IRF8: variants seen among roughly 807,000 people sequenced by gnomAD.
IRF8 encodes interferon regulatory factor 8.
In IRF8, 14 loss-of-function variants were observed where a neutral mutation model predicts 48.7. The ratio of observed to expected loss-of-function variants is 0.29; its 90% CI spans 0.19 to 0.45. The LOEUF is 0.45. Among genes scored for constraint, IRF8 ranks in the 20% least tolerant of loss-of-function variants. IRF8 has a pLI of 1.00. For missense variants in IRF8, 493 were observed against 580.7 expected (o/e 0.85, Z 1.55); for synonymous variants, 278 against 227.3 (o/e 1.22, Z -2.01).
chr16:85,918,824 G>A (rs907728659), intron 7 of IRF8, 21 bp downstream of exon 7: 1 of 1,603,808 alleles, frequency 6.2e-7, no homozygotes, highest in Non-Finnish European at 8.5e-7. Context: ...TCGTCACCTT[G>A]CTGCCCCCAC....
intron 7 of IRF8, 138 bp from the exon 8 acceptor site, chr16:85,919,971 C>G (rs1030951947): frequency 8.3e-6 from 6 of 726,364 alleles, no homozygotes; most frequent in Admixed American, 4.1e-5. Context: ...GGCCCAAGGG[C>G]CACCAGTTTG....
intron 4 of IRF8, among the ~76,000 whole-genome samples, chr16:85,912,081 A>G (rs973111650): frequency 2.6e-5 from 4 of 152,224 alleles, no homozygotes; most frequent in Admixed American, 1.3e-4. Flanking sequence ...TTGTTGTACC[A>G]GCTCTCATGG....
At chr16:85,906,144 T>A (rs1008490933) in intron 2 of IRF8, among the ~76,000 whole-genome samples, 2 of 152,248 alleles carry the variant, frequency 1.3e-5, no homozygotes, top group Admixed American at 6.5e-5. Flanking sequence ...GCTCACTTAG[T>A]AGCACAGATA....
intron 7 of IRF8, 50 bp from the exon 8 acceptor site, chr16:85,920,059 G>T: frequency 2.2e-6 from 3 of 1,342,436 alleles, no homozygotes; most frequent in East Asian, 2.3e-5. Flanking sequence ...GCGGGAGTTG[G>T]AGGTCATCTC....
chr16:85,914,717 T>C (rs575535176), intron 6 of IRF8, among the ~76,000 whole-genome samples, 197 bp downstream of exon 6: 2 of 151,122 alleles, frequency 1.3e-5, no homozygotes, highest in South Asian at 4.2e-4. Flanking sequence ...TGTGGAAGTC[T>C]AGGCCTGGTT....
intron 1 of IRF8, chr16:85,900,829 G>A (rs1342169930): frequency 6.6e-6 from 1 of 152,220 alleles, no homozygotes; most frequent in African/African-American, 2.4e-5. Flanking sequence ...GTCCTGAACA[G>A]TTTAGATGTT....
At position 85,921,570 on chromosome 16, in the gene IRF8, C is replaced by T. The variant is rs750195027; in HGVS notation, c.*288C>T. 4.9e-5 allele frequency: 21 copies of T among 428,888 alleles called. No homozygotes were observed. Among genetic ancestry groups the T allele is most frequent in the Non-Finnish European group, 8.2e-5 (19 of 232,334 alleles). 26.6% of individuals were successfully genotyped at this position (428,888 alleles called of 1,614,324 possible). On this transcript the variant is annotated 3_prime_UTR_variant, in exon 9 of 9. Transcript: ENST00000268638. ...TTATCATTAGTTGCTATGATTCTTTCTGCATTTTCGGTTAACTATCATTTC... is the reference window on the plus strand; with the variant it reads ...TTATCATTAGTTGCTATGATTCTTTTTGCATTTTCGGTTAACTATCATTTC...
Position 85,921,244 on chromosome 16 carries a change from A to C in IRF8, c.1243A>C (p.Arg415=), listed in dbSNP as rs1905553679. Residue 415 remains arginine (R), a synonymous_variant, in exon 9 of 9, where the codon AGA becomes CGA. Coordinates refer to ENST00000268638, the MANE Select transcript of IRF8 (RefSeq NM_002163.4). The part of the protein sequence containing the change: ...MFPDICASHQ[R]SFFRENQQIT... ...TCCAGATATTTGTGCCTCACACCAGAGATCATTTTTCAGAGAAAACCAACA... is the reference window on the plus strand; with the variant it reads ...TCCAGATATTTGTGCCTCACACCAGCGATCATTTTTCAGAGAAAACCAACA... The C allele has an allele frequency of 6.2e-7, 1 of 1,614,052 alleles. No individual in the cohort carries two copies. The highest frequency in any genetic ancestry group is 8.5e-7 in the Non-Finnish European group (1 of 1,180,060).
At chr16:85,902,399 A>G (rs954129648) in intron 1 of IRF8, among the ~76,000 whole-genome samples, 1 of 152,194 alleles carries the variant, frequency 6.6e-6, no homozygotes, top group East Asian at 1.9e-4. Flanking sequence ...TTAAATGCTG[A>G]TCCAGCGTCT....
intron 1 of IRF8, among the ~76,000 whole-genome samples, chr16:85,902,149 G>A (rs142968850): frequency 1.4e-4 from 21 of 152,238 alleles, no homozygotes; most frequent in African/African-American, 4.8e-4. Flanking sequence ...TCTGGAAGAG[G>A]AGCCCAGTGA....
chr16:85,903,206 C>G lies in IRF8; in HGVS notation c.174+17C>G. The G allele has an allele frequency of 6.2e-7, 1 of 1,609,038 alleles. No homozygotes were observed. Among genetic ancestry groups the G allele is most frequent in the Non-Finnish European group, 8.5e-7 (1 of 1,176,866 alleles). ...ATTTTTAAGGTAAAGAGCCCAGCTC[C>G]CTTCCCCACTGTGGGCACAGTGTCT... On this transcript the variant is annotated intron_variant, in intron 2 of 8. Coordinates refer to ENST00000268638, the MANE Select transcript of IRF8 (RefSeq NM_002163.4).
Position 85,921,425 on chromosome 16 carries a change from C to T in IRF8, c.*143C>T, listed in dbSNP as rs373103060. 3.5e-5 allele frequency: 31 copies of T among 880,632 alleles called. No homozygotes were observed. The highest frequency in any genetic ancestry group is 5.0e-5 in the Non-Finnish European group (27 of 542,516). 54.6% of individuals were successfully genotyped at this position (880,632 alleles called of 1,614,324 possible). A position where few individuals can be genotyped will look rare whatever the true frequency, so the allele number is the denominator to read the frequency against. Reference sequence around the variant, plus strand: ...GCACTTAATTTAATAAGGGCATTCTCGGAGGAGTAGACGTTTAATACGAAG... The same window carrying T: ...GCACTTAATTTAATAAGGGCATTCTTGGAGGAGTAGACGTTTAATACGAAG... On this transcript the variant is annotated 3_prime_UTR_variant, in exon 9 of 9. Transcript: ENST00000268638.
At chr16:85,917,981 C>T (rs1274013825) in intron 6 of IRF8, among the ~76,000 whole-genome samples, 1 of 152,224 alleles carries the variant, frequency 6.6e-6, no homozygotes, top group Non-Finnish European at 1.5e-5. Context: ...TCTTTAACTT[C>T]AGGTTTAAAT....
intron 2 of IRF8, among the ~76,000 whole-genome samples, chr16:85,905,808 G>A (rs1041899286): frequency 5.9e-5 from 9 of 152,192 alleles, no homozygotes; most frequent in African/African-American, 2.2e-4. Flanking sequence ...AACAATTTAG[G>A]AGTTAAGAAA....
chr16:85,911,796 A>C (rs1430304718), intron 4 of IRF8, 138 bp downstream of exon 4: 7 of 723,098 alleles, frequency 9.7e-6, no homozygotes, highest in Non-Finnish European at 1.7e-5. Context: ...CTCCACCTGT[A>C]CAGATCTGGA....
At chr16:85,910,813 A>G (rs1233072290) in intron 3 of IRF8, among the ~76,000 whole-genome samples, 1 of 152,218 alleles carries the variant, frequency 6.6e-6, no homozygotes, top group African/African-American at 2.4e-5. Flanking sequence ...AATCTATCGA[A>G]ATGGAATCAA....
chr16:85,907,490 C>T (rs1035334420), intron 2 of IRF8, among the ~76,000 whole-genome samples: 1 of 152,114 alleles, frequency 6.6e-6, no homozygotes, highest in Non-Finnish European at 1.5e-5. Flanking sequence ...CCATCCTGGC[C>T]AACATGGTGA....
chr16:85,908,531 G>T (rs1412509334), intron 2 of IRF8, among the ~76,000 whole-genome samples: 1 of 152,194 alleles, frequency 6.6e-6, no homozygotes, highest in Non-Finnish European at 1.5e-5. Flanking sequence ...TGACCATTTT[G>T]ACTTTTTGCA....
intron 6 of IRF8, 22 bp downstream of exon 6, chr16:85,914,542 G>C (rs781211274): frequency 6.2e-7 from 1 of 1,613,914 alleles, no homozygotes; most frequent in South Asian, 1.1e-5. Context: ...TCCGGGCTGA[G>C]AGGGGCGTGG....
Sources: gnomAD v4.1 joint callset for allele counts (sites outside exome capture counted in the v4.1 genomes callset) on GRCh38, gnomAD v4.1.1 for gene constraint, MANE v1.5 for transcripts, NCBI Gene and HGNC (gene_info 2026-07-23, HGNC 2026-07-21) for gene names.